SYCP3: variants seen among roughly 807,000 people sequenced by gnomAD.
SYCP3 encodes synaptonemal complex protein 3.
In SYCP3, 29 loss-of-function variants were observed where a neutral mutation model predicts 38.5. The observed-to-expected ratio is 0.75, with a 90% CI of 0.56 to 1.03. SYCP3 has a LOEUF of 1.03. Ranked by LOEUF, SYCP3 falls within the 50% of genes least tolerant of loss-of-function variation. The pLI, the probability that SYCP3 is intolerant of heterozygous loss-of-function variation, is 0.00. For synonymous variants in SYCP3, 79 were observed against 80.3 expected (o/e 0.98, Z 0.08); for missense variants, 242 against 270.7 (o/e 0.89, Z 0.74).
At chr12:101,738,884 G>A (rs1035640252) in intron 1 of SYCP3, among the ~76,000 whole-genome samples, 1 of 152,228 alleles carries the variant, frequency 6.6e-6, no homozygotes, top group African/African-American at 2.4e-5. Context: ...CTAGCAGGGC[G>A]CTCAGTCACG....
intron 7 of SYCP3, 23 bp downstream of exon 7, chr12:101,731,545 T>TTG (rs772007688): frequency 6.8e-7 from 1 of 1,467,840 alleles, no homozygotes; most frequent in Non-Finnish European, 9.4e-7. Flanking sequence ...TAACGATGTA[T>TTG]TGTGTTACCA....
At chr12:101,733,742 G>T in intron 5 of SYCP3, 68 bp from the exon 6 acceptor site, 6 of 1,427,434 alleles carry the variant, frequency 4.2e-6, no homozygotes, top group South Asian at 1.2e-5. Context: ...AAACAAAACT[G>T]AGTTGACACA....
chr12:101,739,349 A>T lies in SYCP3; in HGVS notation c.-18+2T>A. On this transcript the variant is annotated splice_donor_variant, in intron 1 of 8. Coordinates refer to ENST00000392924, the MANE Select transcript of SYCP3 (RefSeq NM_001177949.2). LOFTEE classifies it low-confidence loss of function (5UTR_SPLICE). ...ATAGACAGACGCCTCCCCTGCTCACACCTGAAACACACCGCAATGGCCGAG... is the reference window on the plus strand; with the variant it reads ...ATAGACAGACGCCTCCCCTGCTCACTCCTGAAACACACCGCAATGGCCGAG... 1 of 1,002,782 alleles carries T rather than the reference A, an allele frequency of 1.0e-6. No homozygotes were observed. Among genetic ancestry groups the T allele is most frequent in the Non-Finnish European group, 1.2e-6 (1 of 830,362 alleles). The allele number at this position is 1,002,782 out of a possible 1,614,324, so 62.1% of individuals were successfully genotyped here. A position where few individuals can be genotyped will look rare whatever the true frequency, so the allele number is the denominator to read the frequency against.
Position 101,737,237 on chromosome 12 carries a change from A to G in SYCP3, c.195T>C (p.Asp65=), listed in dbSNP as rs1392276696. The G allele has an allele frequency of 1.9e-6, 3 of 1,612,848 alleles. No individual in the cohort carries two copies. The highest frequency in any genetic ancestry group is 2.5e-6 in the Non-Finnish European group (3 of 1,179,720). Residue 65 remains aspartate (D), a synonymous_variant, in exon 3 of 9, where the codon GAT becomes GAC. Coordinates refer to ENST00000392924, the MANE Select transcript of SYCP3 (RefSeq NM_001177949.2). ...AATTATTTTGAACACGTTACCCCAT[A>G]TCTTCAACTACTCCTGCAGAAGACC... ...KKRSSAGVVE[D]MGGEVQNMLE...
chr12:101,728,733 T>C lies in SYCP3; in HGVS notation c.*194A>G. The stretch of plus-strand genomic sequence containing the variant: ...TAAAGAGCTGAAAGCTTAATACATA[T>C]TCTTTAGGAATAGTTGCTAACTAAC... On this transcript the variant is annotated 3_prime_UTR_variant, in exon 9 of 9. Coordinates refer to ENST00000392924, the MANE Select transcript of SYCP3 (RefSeq NM_001177949.2). 2.9e-6 allele frequency: 2 copies of C among 699,390 alleles called. No individual in the cohort carries two copies. The highest frequency in any genetic ancestry group is 2.8e-5 in the East Asian group (1 of 35,564). 43.3% of individuals were successfully genotyped at this position (699,390 alleles called of 1,614,324 possible).
At position 101,737,928 on chromosome 12, in the gene SYCP3, G is replaced by A; in HGVS notation, c.8C>T (p.Ser3Phe). The change falls in exon 2 of 9, where the codon TCC becomes TTC. Residue 3 changes from serine (S) to phenylalanine (F), a missense_variant. By Grantham distance (155) the Ser-to-Phe change is radical. Coordinates refer to ENST00000392924, the MANE Select transcript of SYCP3 (RefSeq NM_001177949.2). The stretch of plus-strand genomic sequence containing the variant: ...TTTCCTGGAATACTTTTTTCCGGAG[G>A]ACACCATATTTAGATGCTTCCTGAC... Reference protein sequence around the residue: MVSSGKKYSRKSG... With the variant: MVFSGKKYSRKSG... 6.2e-7 allele frequency: 1 copy of A among 1,614,050 alleles called. No individual in the cohort carries two copies. Among genetic ancestry groups the A allele is most frequent in the Non-Finnish European group, 8.5e-7 (1 of 1,179,988 alleles).
chr12:101,733,579 A>AT lies in SYCP3; in HGVS notation c.448dup (p.Ile150AsnfsTer3), dbSNP rs1952272601. 1.2e-6 allele frequency: 2 copies of AT among 1,611,862 alleles called. No homozygotes were observed. Among genetic ancestry groups the AT allele is most frequent in the South Asian group, 1.1e-5 (1 of 91,078 alleles). On this transcript the variant is annotated frameshift_variant, in exon 6 of 9. Transcript: ENST00000392924. LOFTEE classifies it high-confidence loss of function. ...AAACCTAATCATGATACCAACAAGT[A>AT]TTTTTTCTTCTTGTTCCTCAGCTTT...
In SYCP3 at chr12:101,731,666, T is replaced by C. The variant is rs1952195627; in HGVS notation, c.454A>G (p.Asn152Asp). Residue 152 changes from asparagine (N) to aspartate (D), a missense_variant and splice_region_variant, in exon 7 of 9, where the codon AAT (asparagine) becomes GAT (aspartate). By Grantham distance (23) the Asn-to-Asp change is conservative. Coordinates refer to ENST00000392924, the MANE Select transcript of SYCP3 (RefSeq NM_001177949.2). The stretch of plus-strand genomic sequence containing the variant: ...ATCTTTTGTTGCTGTCGAAACATAT[T>C]CTACAAATATAAAAGAAAAAAAACT... The part of the protein sequence containing the change: ...KAEEQEEKIL[N>D]MFRQQQKILQ... 1 of 1,584,660 alleles carries C rather than the reference T, an allele frequency of 6.3e-7. No individual in the cohort carries two copies. Among genetic ancestry groups the C allele is most frequent in the African/African-American group, 1.4e-5 (1 of 73,728 alleles).
chr12:101,735,070 A>C, intron 4 of SYCP3, 26 bp from the exon 5 acceptor site: 1 of 1,485,950 alleles, frequency 6.7e-7, no homozygotes, highest in Non-Finnish European at 9.4e-7. Flanking sequence ...AAATTCATTA[A>C]AATTTAATGT....
In SYCP3 at chr12:101,737,090, T is replaced by A. The variant is rs771697607; in HGVS notation, c.201-19A>T. On this transcript the variant is annotated intron_variant, in intron 3 of 8. Transcript: ENST00000392924. ...TTCACCCCTGGAAAGAAATTACATT[T>A]TAAACACTTTAGAAGATCCACAACA... The A allele has an allele frequency of 6.2e-7, 1 of 1,613,886 alleles. No homozygotes were observed. The highest frequency in any genetic ancestry group is 2.2e-5 in the East Asian group (1 of 44,806).
At position 101,729,130 on chromosome 12, in the gene SYCP3, T is replaced by C. The variant is rs1157574789; in HGVS notation, c.636A>G (p.Gln212=). Residue 212 remains glutamine, a synonymous_variant, in exon 8 of 9, where the codon CAA becomes CAG. Coordinates refer to ENST00000392924, the MANE Select transcript of SYCP3 (RefSeq NM_001177949.2). Reference sequence around the variant, plus strand: ...TTACAGTTTCCATCATAATTTTTTTTTGCAACATAGCCATTTCTTTTTTAA... The same window carrying C: ...TTACAGTTTCCATCATAATTTTTTTCTGCAACATAGCCATTTCTTTTTTAA... ...NEFKKEMAML[Q]KKIMMETQQQ... The C allele has an allele frequency of 6.2e-7, 1 of 1,612,150 alleles. No individual in the cohort carries two copies. Among genetic ancestry groups the C allele is most frequent in the African/African-American group, 1.3e-5 (1 of 74,876 alleles).
chr12:101,737,075 G>A lies in SYCP3; in HGVS notation c.201-4C>T, dbSNP rs778447383. ...CAGCATATTCTGCACTTCACCCCTG[G>A]AAAGAAATTACATTTTAAACACTTT... On this transcript the variant is annotated splice_region_variant and splice_polypyrimidine_tract_variant and intron_variant, in intron 3 of 8. Coordinates refer to ENST00000392924, the MANE Select transcript of SYCP3 (RefSeq NM_001177949.2). The A allele has an allele frequency of 6.2e-7, 1 of 1,613,682 alleles. No individual in the cohort carries two copies. The highest frequency in any genetic ancestry group is 1.1e-5 in the South Asian group (1 of 91,068).
chr12:101,728,905 A>G lies in SYCP3; in HGVS notation c.*22T>C. The G allele has an allele frequency of 6.2e-7, 1 of 1,613,466 alleles. No individual in the cohort carries two copies. Among genetic ancestry groups the G allele is most frequent in the Non-Finnish European group, 8.5e-7 (1 of 1,179,656 alleles). ...TAATTGTATCATATTACTTAGGTTC[A>G]AGTTCTTTCTTCAAAGAGTCATCAG... On this transcript the variant is annotated 3_prime_UTR_variant, in exon 9 of 9. Coordinates refer to ENST00000392924, the MANE Select transcript of SYCP3 (RefSeq NM_001177949.2).
rs987241663 is a variant in SYCP3, at chr12:101,728,692, A to C, written c.*235T>G. 19 of 543,264 alleles carry C rather than the reference A, an allele frequency of 3.5e-5. No individual in the cohort carries two copies. The Middle Eastern group carries it at 2.1e-3, about 59-fold the overall frequency. 33.7% of individuals were successfully genotyped at this position (543,264 alleles called of 1,614,324 possible). ...TTTAATTGACAGTGTTAGAGAGAAA[A>C]ATTCACTATCATTACTAAAGAGCTG... On this transcript the variant is annotated 3_prime_UTR_variant, in exon 9 of 9. Coordinates refer to ENST00000392924, the MANE Select transcript of SYCP3 (RefSeq NM_001177949.2).
intron 6 of SYCP3, 128 bp downstream of exon 6, chr12:101,733,447 T>C (rs1489626110): frequency 1.2e-6 from 1 of 800,620 alleles, no homozygotes; most frequent in Non-Finnish European, 2.1e-6. Context: ...TACAGTTCAG[T>C]AGGTTTAAAA....
Position 101,739,442 on chromosome 12 carries a change from C to G in SYCP3, c.-109G>C. On this transcript the variant is annotated 5_prime_UTR_variant, in exon 1 of 9. Coordinates refer to ENST00000392924, the MANE Select transcript of SYCP3 (RefSeq NM_001177949.2). ...CACAAGCGCGCTTCACCTGAGGTGG[C>G]CCCTTCTCCGCGACGCTTCTGAGGC... 2 of 1,002,690 alleles carry G rather than the reference C, an allele frequency of 2.0e-6. No homozygotes were observed. The highest frequency in any genetic ancestry group is 2.4e-6 in the Non-Finnish European group (2 of 830,306). The allele number at this position is 1,002,690 out of a possible 1,614,324, so 62.1% of individuals were successfully genotyped here. A position where few individuals can be genotyped will look rare whatever the true frequency, so the allele number is the denominator to read the frequency against.
intron 7 of SYCP3, chr12:101,730,438 GACA>G (rs1220494019): frequency 9.7e-6 from 4 of 414,356 alleles, no homozygotes; most frequent in East Asian, 7.5e-5. Flanking sequence ...ATTGGAACAA[GACA>G]ACAAGTTTTC....
chr12:101,735,871 A>ATATATTTTTTTTTTTTTTTT, intron 4 of SYCP3, among the ~76,000 whole-genome samples: 6 of 74,762 alleles, frequency 8.0e-5, no homozygotes, highest in Admixed American at 1.3e-4. Flanking sequence ...ATATATATAT[A>ATATATTTTTTTTTTTTTTTT]TTTTTTTTTT....
rs1292292324 is a variant in SYCP3, at chr12:101,739,402, C to T, written c.-69G>A. On this transcript the variant is annotated 5_prime_UTR_variant, in exon 1 of 9. Coordinates refer to ENST00000392924, the MANE Select transcript of SYCP3 (RefSeq NM_001177949.2). ...CCAGTTACTGGTCGTCGACAGGCGT[C>T]CTCCACAACTCCTCCACAAGCGCGC... The T allele has an allele frequency of 6.0e-6, 6 of 1,002,762 alleles. No individual in the cohort carries two copies. The African/African-American group carries it at 8.7e-5, about 15-fold the overall frequency. The allele number at this position is 1,002,762 out of a possible 1,614,324, so 62.1% of individuals were successfully genotyped here. A position where few individuals can be genotyped will look rare whatever the true frequency, so the allele number is the denominator to read the frequency against.
Sources: gnomAD v4.1 joint callset for allele counts (sites outside exome capture counted in the v4.1 genomes callset) on GRCh38, gnomAD v4.1.1 for gene constraint, MANE v1.5 for transcripts, NCBI Gene and HGNC (gene_info 2026-07-23, HGNC 2026-07-21) for gene names.